ANAPC1: variants seen among roughly 807,000 people sequenced by gnomAD.
The protein encoded by ANAPC1 is anaphase-promoting complex subunit 1.
In ANAPC1, 36 loss-of-function variants were observed where a neutral mutation model predicts 208.0. The observed-to-expected ratio is 0.17, with a 90% CI of 0.13 to 0.23. The LOEUF (loss-of-function observed/expected upper bound fraction) is 0.23. Among genes scored for constraint, ANAPC1 ranks in the 10% least tolerant of loss-of-function variants. The pLI, the probability that ANAPC1 is intolerant of heterozygous loss-of-function variation, is 1.00. For missense variants in ANAPC1, 942 were observed against 2,011.6 expected (o/e 0.47, Z 10.17); for synonymous variants, 378 against 695.2 (o/e 0.54, Z 7.18).
At chr2:111,852,252 T>C (rs1476135111) in intron 13 of ANAPC1, among the ~76,000 whole-genome samples, 1 of 146,496 alleles carries the variant, frequency 6.8e-6, no homozygotes, top group African/African-American at 2.5e-5. Context: ...GCTAGTAACC[T>C]GAGACCCAGG....
Position 111,831,375 on chromosome 2 carries a change from G to T in ANAPC1, c.2536C>A (p.Gln846Lys). 6.2e-7 allele frequency: 1 copy of T among 1,611,806 alleles called. No homozygotes were observed. The highest frequency in any genetic ancestry group is 8.5e-7 in the Non-Finnish European group (1 of 1,179,778). ...CCCTTCAGACAAGAACTCACCCACTGATAAATACTTGGTGGCTCAGACGTA... is the reference window on the plus strand; with the variant it reads ...CCCTTCAGACAAGAACTCACCCACTTATAAATACTTGGTGGCTCAGACGTA... ...FFTSEPPSIY[Q>K]WVSSCLKGEG... is the part of the protein sequence containing the mutation. Residue 846 changes from glutamine (Q) to lysine (K), a missense_variant, in exon 21 of 48, where the codon CAG (glutamine) becomes AAG (lysine). Physicochemically the swap from Gln to Lys is moderately conservative, Grantham distance 53. Coordinates refer to ENST00000341068, the MANE Select transcript of ANAPC1 (RefSeq NM_022662.4).
intron 43 of ANAPC1, among the ~76,000 whole-genome samples, chr2:111,780,950 G>T (rs1188825612): frequency 7.0e-6 from 1 of 142,918 alleles, no homozygotes; most frequent in African/African-American, 2.9e-5. Context: ...ATTGTTGCAG[G>T]TATAGATCTC....
intron 24 of ANAPC1, among the ~76,000 whole-genome samples, chr2:111,823,905 C>CAGT (rs1679683163): frequency 6.8e-6 from 1 of 146,738 alleles, no homozygotes; most frequent in African/African-American, 2.5e-5. Context: ...GGTGGGTGAC[C>CAGT]AGTACATCAA....
intron 17 of ANAPC1, among the ~76,000 whole-genome samples, chr2:111,840,411 T>G (rs558272682): frequency 6.6e-6 from 1 of 152,208 alleles, no homozygotes; most frequent in Non-Finnish European, 1.5e-5. Context: ...GCAAAGCAAC[T>G]TGGCCTCAAG....
chr2:111,838,554 C>T (rs1368598893), intron 17 of ANAPC1, 42 bp from the exon 18 acceptor site: 8 of 1,518,114 alleles, frequency 5.3e-6, no homozygotes, highest in Non-Finnish European at 7.2e-6. Flanking sequence ...ATCGTAAATG[C>T]ATTCCTGTCA....
chr2:111,789,893 A>G (rs1677783398), intron 38 of ANAPC1, among the ~76,000 whole-genome samples: 1 of 151,820 alleles, frequency 6.6e-6, no homozygotes, highest in South Asian at 2.1e-4. Context: ...TTTTGAAAGG[A>G]AAAAATTTTC....
chr2:111,849,284 T>A (rs1681262952), intron 14 of ANAPC1, among the ~76,000 whole-genome samples: 1 of 152,200 alleles, frequency 6.6e-6, no homozygotes, highest in East Asian at 1.9e-4. Context: ...AAGGCACTAT[T>A]ACCAGGCTTA....
In ANAPC1 at chr2:111,859,445, C is replaced by T. The variant is rs1159395425; in HGVS notation, c.1263-1044G>A. 5.3e-5 allele frequency among the ~76,000 whole-genome samples: 8 copies of T among 151,644 alleles called. No homozygotes were observed. The South Asian group carries it at 1.2e-3, about 24-fold the overall frequency. ...AAGATCACGCCATTGCACTCCAGCC[C>T]GGGCAACAAGAGCGAAACTCTATCT... On this transcript the variant is annotated intron_variant, in intron 10 of 47. Transcript: ENST00000341068.
intron 13 of ANAPC1, 192 bp downstream of exon 13, chr2:111,856,422 G>C: frequency 1.7e-6 from 1 of 592,952 alleles, no homozygotes; most frequent in Non-Finnish European, 3.0e-6. Context: ...TAACAGCAGT[G>C]AGCCATAGCC....
chr2:111,871,546 T>G (rs1345257261), intron 6 of ANAPC1, among the ~76,000 whole-genome samples: 1 of 151,994 alleles, frequency 6.6e-6, no homozygotes, highest in African/African-American at 2.4e-5. Context: ...AGGTCGGGAG[T>G]TCGAGACCAG....
chr2:111,774,778 T>C (rs1306465639), intron 46 of ANAPC1, among the ~76,000 whole-genome samples: 1 of 82,344 alleles, frequency 1.2e-5, no homozygotes, highest in Non-Finnish European at 2.4e-5. Context: ...AAGGTACAAA[T>C]GACGCAAAAA....
At chr2:111,855,124 C>T (rs2104534269) in intron 13 of ANAPC1, among the ~76,000 whole-genome samples, 1 of 152,228 alleles carries the variant, frequency 6.6e-6, no homozygotes, top group African/African-American at 2.4e-5. Flanking sequence ...TGTTTTGTCT[C>T]AGGATATAGT....
At chr2:111,799,493 C>T (rs1558675285) in intron 34 of ANAPC1, among the ~76,000 whole-genome samples, 1 of 151,798 alleles carries the variant, frequency 6.6e-6, no homozygotes, top group Non-Finnish European at 1.5e-5. Flanking sequence ...GATCCCTAAT[C>T]CGAAAATCCA....
At chr2:111,775,000 G>A (rs1211332001) in intron 46 of ANAPC1, among the ~76,000 whole-genome samples, 1 of 152,202 alleles carries the variant, frequency 6.6e-6, no homozygotes, top group African/African-American at 2.4e-5. Context: ...AGGCGCCATG[G>A]CTCATGCCTG....
chr2:111,871,422 T>C (rs894465649), intron 6 of ANAPC1, among the ~76,000 whole-genome samples: 3 of 152,108 alleles, frequency 2.0e-5, no homozygotes, highest in Non-Finnish European at 2.9e-5. Context: ...ATTCATAGGT[T>C]TTTGTTTTTG....
chr2:111,825,671 T>G, intron 22 of ANAPC1, 106 bp downstream of exon 22: 3 of 1,136,708 alleles, frequency 2.6e-6, no homozygotes, highest in Non-Finnish European at 3.8e-6. Context: ...ACTAAAAAGG[T>G]AAGACATGGC....
At chr2:111,775,828 A>G (rs530446279) in intron 46 of ANAPC1, among the ~76,000 whole-genome samples, 1,081 of 146,622 alleles carry the variant, frequency 7.4e-3, no homozygotes, top group Non-Finnish European at 0.011. Flanking sequence ...CCTTTGAAAT[A>G]ACATGTTTTT....
At chr2:111,800,932 AATG>A (rs1678408897) in intron 33 of ANAPC1, 61 bp from the exon 34 acceptor site, 1 of 588,200 alleles carries the variant, frequency 1.7e-6, no homozygotes, top group South Asian at 2.0e-5. Flanking sequence ...ATTTTATAAC[AATG>A]ATAATAATAA....
intron 21 of ANAPC1, among the ~76,000 whole-genome samples, chr2:111,829,381 G>A (rs576150425): frequency 1.5e-3 from 221 of 152,224 alleles, no homozygotes; most frequent in African/African-American, 5.2e-3. Context: ...GCAAAATGTA[G>A]AGTAAAGAAA....
Sources: gnomAD v4.1 joint callset for allele counts (sites outside exome capture counted in the v4.1 genomes callset) on GRCh38, gnomAD v4.1.1 for gene constraint, MANE v1.5 for transcripts, NCBI Gene and HGNC (gene_info 2026-07-23, HGNC 2026-07-21) for gene names.